The following TIAM1 variants were observed in gnomAD, a reference collection of about 807,000 sequenced individuals.
The protein encoded by TIAM1 is TIAM Rac1 associated GEF 1.
In TIAM1, 65 loss-of-function variants were observed where a neutral mutation model predicts 163.5. The ratio of observed to expected loss-of-function variants is 0.40; its 90% CI spans 0.33 to 0.49. TIAM1 has a LOEUF of 0.49. Among genes scored for constraint, TIAM1 ranks in the 20% least tolerant of loss-of-function variants. TIAM1 has a pLI of 0.77. For synonymous variants in TIAM1, 833 were observed against 810.1 expected (o/e 1.03, Z -0.48); for missense variants, 1,789 against 2,044.7 (o/e 0.87, Z 2.41).
chr21:31,531,174 T>TC (rs1047133454), intron 1 of TIAM1, among the ~76,000 whole-genome samples: 2 of 152,148 alleles, frequency 1.3e-5, no homozygotes, highest in Admixed American at 1.3e-4. Flanking sequence ...GACTGTTTAC[T>TC]CCCCCCTTCT....
intron 12 of TIAM1, among the ~76,000 whole-genome samples, chr21:31,202,518 A>G (rs940927759): frequency 1.3e-5 from 2 of 152,334 alleles, no homozygotes; most frequent in Admixed American, 6.5e-5. Flanking sequence ...GTGAGCTATG[A>G]TCACACCACT....
chr21:31,355,289 C>G (rs971904754), intron 2 of TIAM1, among the ~76,000 whole-genome samples: 2 of 151,928 alleles, frequency 1.3e-5, no homozygotes, highest in African/African-American at 4.8e-5. Flanking sequence ...ATATTCTTGG[C>G]CTTTGGCATG....
intron 1 of TIAM1, among the ~76,000 whole-genome samples, chr21:31,555,636 C>T (rs2048850041): frequency 6.6e-6 from 1 of 152,094 alleles, no homozygotes; most frequent in African/African-American, 2.4e-5. Flanking sequence ...AGACAGAAGC[C>T]CCCTCTCCCG....
chr21:31,437,875 A>G (rs781699287), intron 2 of TIAM1, among the ~76,000 whole-genome samples: 1 of 152,208 alleles, frequency 6.6e-6, no homozygotes, highest in Non-Finnish European at 1.5e-5. Flanking sequence ...CAAATTTCAG[A>G]TATTTCTTTA....
At chr21:31,129,919 T>C (rs2082343101) in intron 25 of TIAM1, among the ~76,000 whole-genome samples, 1 of 152,174 alleles carries the variant, frequency 6.6e-6, no homozygotes, top group Admixed American at 6.5e-5. Flanking sequence ...CACTATAGTA[T>C]TAATCTATAG....
chr21:31,222,758 C>T (rs2087692995), intron 8 of TIAM1, among the ~76,000 whole-genome samples: 1 of 121,440 alleles, frequency 8.2e-6, no homozygotes, highest in Non-Finnish European at 1.6e-5. Context: ...CACTTTGTCA[C>T]CCAGGCTGGA....
chr21:31,356,858 G>A (rs1436247556), intron 2 of TIAM1, among the ~76,000 whole-genome samples: 3 of 152,204 alleles, frequency 2.0e-5, no homozygotes, highest in South Asian at 2.1e-4. Context: ...GCTCAGGCCT[G>A]TAATCTTAGC....
chr21:31,289,963 C>T (rs995250360), intron 2 of TIAM1, among the ~76,000 whole-genome samples: 1 of 152,128 alleles, frequency 6.6e-6, no homozygotes, highest in Non-Finnish European at 1.5e-5. Context: ...TGAGTATACT[C>T]CTGTCCAGGG....
intron 2 of TIAM1, among the ~76,000 whole-genome samples, chr21:31,389,206 T>TTTTTA (rs762275769): frequency 7.8e-4 from 118 of 152,222 alleles, no homozygotes; most frequent in East Asian, 3.7e-3. Context: ...TATTTTATTA[T>TTTTTA]TTTTATTTTA....
intron 23 of TIAM1, among the ~76,000 whole-genome samples, chr21:31,133,441 T>C (rs1054989437): frequency 1.3e-5 from 2 of 152,216 alleles, no homozygotes; most frequent in South Asian, 2.1e-4. Flanking sequence ...GGACAGGTGC[T>C]GTGGGCCCGC....
chr21:31,124,959 A>G lies in TIAM1; in HGVS notation c.4134-265T>C, dbSNP rs188450652. 7.9e-5 allele frequency among the ~76,000 whole-genome samples: 12 copies of G among 152,270 alleles called. No individual in the cohort carries two copies. In the East Asian group the frequency reaches 2.3e-3, roughly 29 times the overall value. ...AACGAACAGATCTATGGACAGTGGG[A>G]GTTTGTACCAAGAAGCTGCCAAATT... On this transcript the variant is annotated intron_variant, in intron 26 of 27. Coordinates refer to ENST00000541036, the MANE Select transcript of TIAM1 (RefSeq NM_001353694.2).
chr21:31,545,581 T>C (rs1441183569), intron 1 of TIAM1, among the ~76,000 whole-genome samples: 1 of 152,134 alleles, frequency 6.6e-6, no homozygotes, highest in Non-Finnish European at 1.5e-5. Flanking sequence ...ACTGTGGATA[T>C]AAGACTAGTG....
intron 2 of TIAM1, among the ~76,000 whole-genome samples, chr21:31,359,805 AAAGGAAGGAAGGAAGG>A (rs767750965): frequency 0.039 from 3,524 of 90,708 alleles, 132 homozygotes; most frequent in Middle Eastern, 0.095. Context: ...AAAGAAAGAA[AAAGGAAGGAAGGAAGG>A]AAGGAAGGAA....
At chr21:31,216,771 G>A (rs1054296135) in intron 9 of TIAM1, among the ~76,000 whole-genome samples, 11 of 152,096 alleles carry the variant, frequency 7.2e-5, no homozygotes, top group Non-Finnish European at 1.5e-5. Flanking sequence ...TGTGGCAGTG[G>A]GCGAGCTCTC....
intron 2 of TIAM1, among the ~76,000 whole-genome samples, chr21:31,338,401 G>A (rs371403349): frequency 2.6e-5 from 4 of 152,172 alleles, no homozygotes; most frequent in East Asian, 1.9e-4. Context: ...AATGCATCCC[G>A]ATGTCACCTG....
At chr21:31,523,813 G>C (rs145329565) in intron 1 of TIAM1, among the ~76,000 whole-genome samples, 78 of 151,982 alleles carry the variant, frequency 5.1e-4, no homozygotes, top group African/African-American at 1.7e-3. Context: ...AGCTACCCGG[G>C]AGGCTAAGGC....
At chr21:31,516,568 G>A (rs1208414455) in intron 1 of TIAM1, among the ~76,000 whole-genome samples, 1 of 151,644 alleles carries the variant, frequency 6.6e-6, no homozygotes, top group Non-Finnish European at 1.5e-5. Flanking sequence ...TTAACCCACA[G>A]TATTTGGTAT....
chr21:31,276,689 T>C (rs2073314663), intron 3 of TIAM1, 43 bp downstream of exon 3: 2 of 152,234 alleles, frequency 1.3e-5, no homozygotes, highest in South Asian at 4.1e-4. Flanking sequence ...TTTCCATTAA[T>C]TCATACAAAC....
chr21:31,446,886 A>G (rs2044645336), intron 2 of TIAM1, among the ~76,000 whole-genome samples: 1 of 152,234 alleles, frequency 6.6e-6, no homozygotes, highest in Admixed American at 6.5e-5. Context: ...TACTTTATTC[A>G]TCTTAAAGAA....
Sources: allele counts gnomAD v4.1 joint callset (sites outside exome capture counted in the v4.1 genomes callset), GRCh38; gene constraint gnomAD v4.1.1; transcripts MANE v1.5; gene names NCBI Gene and HGNC (gene_info 2026-07-23, HGNC 2026-07-21).